Variants in KLHL22 observed in about 807,000 individuals in gnomAD.
KLHL22 encodes the protein kelch-like protein 22.
KLHL22 carries 18 observed loss-of-function variants against 60.7 expected under a neutral mutation model. The ratio of observed to expected loss-of-function variants is 0.30; its 90% CI spans 0.20 to 0.44. The LOEUF (loss-of-function observed/expected upper bound fraction) is 0.44. Among genes scored for constraint, KLHL22 ranks in the 20% least tolerant of loss-of-function variants. The pLI, the probability that KLHL22 is intolerant of heterozygous loss-of-function variation, is 1.00. For synonymous variants in KLHL22, 355 were observed against 354.5 expected (o/e 1.00, Z -0.01); for missense variants, 596 against 852.3 (o/e 0.70, Z 3.74).
chr22:20,484,001 G>A (rs1167074349), intron 2 of KLHL22: 1 of 720,456 alleles, frequency 1.4e-6, no homozygotes, highest in South Asian at 1.4e-5. Flanking sequence ...TGCCTGCATA[G>A]ACGCTGGCCA....
At chr22:20,489,332 G>T in intron 1 of KLHL22, 88 bp from the exon 2 acceptor site, 1 of 926,176 alleles carries the variant, frequency 1.1e-6, no homozygotes, top group Non-Finnish European at 1.7e-6. Flanking sequence ...TGCTCCCCTT[G>T]CTCCTGTGCC....
intron 3 of KLHL22, among the ~76,000 whole-genome samples, chr22:20,467,816 GC>G (rs897270995): frequency 9.9e-5 from 15 of 152,016 alleles, no homozygotes; most frequent in African/African-American, 3.6e-4. Flanking sequence ...CCGCCACCAC[GC>G]CCGGCTAATT....
At chr22:20,445,331 C>T (rs1419792695) in intron 6 of KLHL22, among the ~76,000 whole-genome samples, 3 of 151,556 alleles carry the variant, frequency 2.0e-5, no homozygotes, top group Non-Finnish European at 4.4e-5. Context: ...CTCAGTCTTC[C>T]CAAGTAACTG....
chr22:20,446,679 G>T lies in KLHL22; in HGVS notation c.1306-3C>A. ...GTCGCGCCTGCGTGGGCATACACCT[G>T]TGTGGAGCCACCAGGAGAAATGGCG... On this transcript the variant is annotated splice_polypyrimidine_tract_variant and splice_region_variant and intron_variant, in intron 5 of 6. Transcript: ENST00000328879. 6.2e-7 allele frequency: 1 copy of T among 1,607,148 alleles called. No individual in the cohort carries two copies. The highest frequency in any genetic ancestry group is 1.3e-5 in the African/African-American group (1 of 75,036).
intron 1 of KLHL22, among the ~76,000 whole-genome samples, chr22:20,492,600 T>A (rs1225986247): frequency 6.6e-6 from 1 of 152,060 alleles, no homozygotes; most frequent in Non-Finnish European, 1.5e-5. Flanking sequence ...TGCCCTTTTT[T>A]TTTTTTTTAG....
intron 2 of KLHL22, among the ~76,000 whole-genome samples, chr22:20,474,411 G>A (rs1170931099): frequency 6.6e-6 from 1 of 151,740 alleles, no homozygotes; most frequent in Non-Finnish European, 1.5e-5. Flanking sequence ...ATTTTTTTAA[G>A]ATGGAGTTTC....
intron 4 of KLHL22, among the ~76,000 whole-genome samples, chr22:20,458,764 C>G (rs981659153): frequency 6.6e-6 from 1 of 152,110 alleles, no homozygotes; most frequent in Non-Finnish European, 1.5e-5. Context: ...CAGCCGCACA[C>G]ACAAGGCTCT....
chr22:20,447,457 T>A (rs1469216577), intron 5 of KLHL22, among the ~76,000 whole-genome samples: 2 of 151,632 alleles, frequency 1.3e-5, no homozygotes, highest in East Asian at 3.9e-4. Context: ...TCTAGAGAGG[T>A]GGACGGAGCA....
At chr22:20,487,928 C>T (rs527860507) in intron 2 of KLHL22, among the ~76,000 whole-genome samples, 3 of 152,200 alleles carry the variant, frequency 2.0e-5, no homozygotes, top group African/African-American at 7.2e-5. Context: ...GGGCCCTCAG[C>T]TCCTCTACCC....
chr22:20,449,641 C>T (rs952192816), intron 5 of KLHL22, among the ~76,000 whole-genome samples: 2 of 152,088 alleles, frequency 1.3e-5, no homozygotes, highest in African/African-American at 2.4e-5. Context: ...CTCCTGACCT[C>T]GTGATCCGCT....
intron 2 of KLHL22, among the ~76,000 whole-genome samples, chr22:20,476,264 C>T (rs1279145098): frequency 6.6e-6 from 1 of 152,152 alleles, no homozygotes; most frequent in Non-Finnish European, 1.5e-5. Context: ...CTCTCCTGGA[C>T]TTTCCAGGAC....
In KLHL22 at chr22:20,471,398, G is replaced by A. The variant is rs2053324801; in HGVS notation, c.345C>T (p.Leu115=). ...LHFIYTSELE[L]SLSNVQETLV... is the part of the protein sequence containing the mutation. ...GTGTCTCTTGTACATTGCTCAGGCT[G>A]AGCTCCAGCTCGGAGGTGTATATGA... Residue 115 remains leucine (L), a synonymous_variant, in exon 3 of 7, where the codon CTC becomes CTT. Transcript: ENST00000328879. 1 of 1,613,938 alleles carries A rather than the reference G, an allele frequency of 6.2e-7. No individual in the cohort carries two copies. Among genetic ancestry groups the A allele is most frequent in the African/African-American group, 1.3e-5 (1 of 74,936 alleles).
chr22:20,450,460 T>C (rs1319137889), intron 5 of KLHL22: 1 of 1,607,760 alleles, frequency 6.2e-7, no homozygotes, highest in South Asian at 1.1e-5. Flanking sequence ...TCTGCTTCAG[T>C]TGAAAGGTGT....
intron 4 of KLHL22, among the ~76,000 whole-genome samples, chr22:20,461,742 C>T (rs1167116577): frequency 6.6e-6 from 1 of 151,140 alleles, no homozygotes; most frequent in East Asian, 2.0e-4. Flanking sequence ...GCAGGCGGAT[C>T]ACCTGAAGTC....
intron 1 of KLHL22, among the ~76,000 whole-genome samples, chr22:20,490,475 CAACA>C (rs1272781954): frequency 1.3e-5 from 2 of 152,258 alleles, no homozygotes; most frequent in East Asian, 3.9e-4. Flanking sequence ...TATACCACAA[CAACA>C]AACACAGGAG....
chr22:20,485,654 G>A (rs2053572608), intron 2 of KLHL22, among the ~76,000 whole-genome samples: 1 of 152,134 alleles, frequency 6.6e-6, no homozygotes, highest in Admixed American at 6.5e-5. Flanking sequence ...GATCACCTGA[G>A]GTCAGGAGTT....
intron 2 of KLHL22, among the ~76,000 whole-genome samples, chr22:20,473,472 G>A (rs1270619558): frequency 2.0e-5 from 3 of 152,212 alleles, no homozygotes; most frequent in African/African-American, 7.2e-5. Context: ...GGCAACTGGG[G>A]CTGAAGTTTA....
chr22:20,447,701 C>T (rs939870784), intron 5 of KLHL22, among the ~76,000 whole-genome samples: 31 of 152,082 alleles, frequency 2.0e-4, no homozygotes, highest in African/African-American at 7.5e-4. Context: ...CGCCACCATA[C>T]CCAGCTAACT....
intron 1 of KLHL22, among the ~76,000 whole-genome samples, chr22:20,494,910 G>A (rs926417931): frequency 3.3e-5 from 5 of 152,218 alleles, no homozygotes; most frequent in Non-Finnish European, 5.9e-5. Context: ...TAGGGCCCCC[G>A]AACGAGCAGT....
Sources: allele counts gnomAD v4.1 joint callset (sites outside exome capture counted in the v4.1 genomes callset), GRCh38; gene constraint gnomAD v4.1.1; transcripts MANE v1.5; gene names NCBI Gene and HGNC (gene_info 2026-07-23, HGNC 2026-07-21).